AZIN2: variants seen among roughly 807,000 people sequenced by gnomAD.
AZIN2 encodes the protein ODC antizyme inhibitor-2.
A neutral mutation model predicts 47.8 loss-of-function variants in AZIN2; 28 were observed. The ratio of observed to expected loss-of-function variants is 0.59; its 90% CI spans 0.43 to 0.80. The LOEUF (loss-of-function observed/expected upper bound fraction) is 0.80, where lower values mean the gene tolerates loss of function less well. Among genes scored for constraint, AZIN2 ranks in the 30% least tolerant of loss-of-function variants. The probability of loss-of-function intolerance (pLI) is 0.00; values close to 1 mark genes in which losing one functional copy is unlikely to be tolerated. For synonymous variants in AZIN2, 221 were observed against 239.4 expected (o/e 0.92, Z 0.71); for missense variants, 535 against 582.5 (o/e 0.92, Z 0.84).
chr1:33,125,503 G>C (rs947958015), downstream of AZIN2, among the ~76,000 whole-genome samples: 2 of 152,058 alleles, frequency 1.3e-5, no homozygotes, highest in Non-Finnish European at 2.9e-5. Context: ...TGTTCCCTTA[G>C]CTACTCCAGC....
At chr1:33,098,545 G>A (rs895551679) in intron 10 of AZIN2, among the ~76,000 whole-genome samples, 8 of 152,152 alleles carry the variant, frequency 5.3e-5, no homozygotes, top group Admixed American at 3.9e-4. Flanking sequence ...GTGAATATAT[G>A]TTGAGGTTTC....
chr1:33,128,543 A>G, the AZIN2 span, among the ~76,000 whole-genome samples: 2 of 152,204 alleles, frequency 1.3e-5, no homozygotes, highest in Admixed American at 1.3e-4. Flanking sequence ...AGATTGGGAA[A>G]GTCTCTGCCT....
intron 5 of AZIN2, among the ~76,000 whole-genome samples, chr1:33,087,445 ATTT>A (rs1471943347): frequency 7.5e-6 from 1 of 133,800 alleles, no homozygotes; most frequent in Admixed American, 7.7e-5. Context: ...ATATATATAT[ATTT>A]TTTTTTGAGA....
intron 4 of AZIN2, chr1:33,083,583 G>T: frequency 3.0e-6 from 1 of 338,360 alleles, no homozygotes; most frequent in South Asian, 2.7e-5. Context: ...TTTAAAAGCA[G>T]AGTTGCCTTA....
chr1:33,103,153 T>C (rs1185983386), intron 10 of AZIN2, among the ~76,000 whole-genome samples: 1 of 152,132 alleles, frequency 6.6e-6, no homozygotes, highest in Non-Finnish European at 1.5e-5. Flanking sequence ...TTTTCCACGC[T>C]GCAGACAGAA....
intron 10 of AZIN2, 131 bp downstream of exon 10, chr1:33,098,310 G>A (rs1440267814): frequency 3.1e-6 from 2 of 655,088 alleles, no homozygotes; most frequent in Non-Finnish European, 5.1e-6. Flanking sequence ...GATGACGAAG[G>A]TTATCACCCA....
the AZIN2 span, chr1:33,165,884 T>G: frequency 4.8e-6 from 1 of 210,214 alleles, no homozygotes; most frequent in African/African-American, 2.3e-5. This position sits in a 1 kb window ranked among gnomAD's most constrained non-coding sequence, Gnocchi z 4.0. Context: ...CGCTTAGAAT[T>G]AAGGCAGGGG....
chr1:33,107,291 C>G (rs1459142863), intron 10 of AZIN2, among the ~76,000 whole-genome samples: 3 of 147,760 alleles, frequency 2.0e-5, no homozygotes, highest in African/African-American at 7.5e-5. Context: ...CTCACACACA[C>G]ACACAAAGGC....
the AZIN2 span, among the ~76,000 whole-genome samples, chr1:33,144,135 CTTTTTTT>C: frequency 5.6e-4 from 82 of 146,578 alleles, no homozygotes; most frequent in African/African-American, 2.0e-3. Context: ...AATGTTACTT[CTTTTTTT>C]TTTTTTTTTT....
At chr1:33,165,863 C>T in the AZIN2 span, 20 of 244,298 alleles carry the variant, frequency 8.2e-5, no homozygotes, top group East Asian at 1.5e-3. The surrounding 1 kb of genome is among the most constrained non-coding windows in gnomAD (Gnocchi z 4.0). Flanking sequence ...CCACACTTGG[C>T]CCTGGATCCC....
At chr1:33,142,125 C>T in the AZIN2 span, 1 of 152,406 alleles carries the variant, frequency 6.6e-6, no homozygotes, top group East Asian at 1.9e-4. Flanking sequence ...TCCCACCTCC[C>T]ACCTCCCTCC....
At chr1:33,130,286 TG>T in the AZIN2 span, among the ~76,000 whole-genome samples, 3 of 152,240 alleles carry the variant, frequency 2.0e-5, no homozygotes, top group African/African-American at 7.2e-5. Flanking sequence ...CCGTTGAGTA[TG>T]GATGGAATTT....
At chr1:33,117,593 C>T (rs895303434) in intron 10 of AZIN2, among the ~76,000 whole-genome samples, 5 of 152,200 alleles carry the variant, frequency 3.3e-5, no homozygotes, top group Admixed American at 2.6e-4. Flanking sequence ...AGTAACCTTA[C>T]GAGGTAGGTA....
At chr1:33,133,978 T>C in the AZIN2 span, among the ~76,000 whole-genome samples, 1 of 152,244 alleles carries the variant, frequency 6.6e-6, no homozygotes, top group Non-Finnish European at 1.5e-5. Flanking sequence ...CCTCTGCTGT[T>C]ACCACTTACC....
At chr1:33,155,590 C>T in the AZIN2 span, among the ~76,000 whole-genome samples, 1 of 152,138 alleles carries the variant, frequency 6.6e-6, no homozygotes, top group African/African-American at 2.4e-5. Context: ...TGGGGCCCGA[C>T]GTTGGGGTTT....
chr1:33,094,021 C>G (rs773379044), intron 7 of AZIN2, among the ~76,000 whole-genome samples: 23 of 152,188 alleles, frequency 1.5e-4, no homozygotes, highest in Non-Finnish European at 3.2e-4. Flanking sequence ...GTGTGAGCCA[C>G]TGCACCCAGC....
chr1:33,103,804 G>T (rs903613229), intron 10 of AZIN2, among the ~76,000 whole-genome samples: 11 of 151,880 alleles, frequency 7.2e-5, no homozygotes, highest in African/African-American at 2.7e-4. Context: ...ACCCTTGAGG[G>T]TCTCACATCT....
In AZIN2 at chr1:33,082,301, A is replaced by G. The variant is rs1641361125; in HGVS notation, c.52A>G (p.Ser18Gly). Residue 18 changes from serine to glycine, a missense_variant, in exon 4 of 12, where the codon AGT becomes GGT. This residue lies in a region of AZIN2 where 409 missense variants were observed against 429.0 expected (regional missense o/e 0.95). Coordinates refer to ENST00000294517, the MANE Select transcript of AZIN2 (RefSeq NM_052998.4). ...SDFVMVEEGF[S>G]TRDLLKELTL... Reference sequence around the variant, plus strand: ...CTTTGTGATGGTGGAGGAGGGCTTCAGTACCCGAGACCTGCTGAAGGAACT... The same window carrying G: ...CTTTGTGATGGTGGAGGAGGGCTTCGGTACCCGAGACCTGCTGAAGGAACT... 1 of 1,614,118 alleles carries G rather than the reference A, an allele frequency of 6.2e-7. No individual in the cohort carries two copies. Among genetic ancestry groups the G allele is most frequent in the Non-Finnish European group, 8.5e-7 (1 of 1,180,002 alleles).
chr1:33,098,219 G>T, intron 10 of AZIN2, 40 bp downstream of exon 10: 2 of 1,386,652 alleles, frequency 1.4e-6, no homozygotes, highest in Non-Finnish European at 2.0e-6. Context: ...AGTTGTGTGT[G>T]TGTATTTCAA....
Sources: allele counts gnomAD v4.1 joint callset (sites outside exome capture counted in the v4.1 genomes callset), GRCh38; gene constraint gnomAD v4.1.1; regional missense constraint gnomAD v4.1.1; non-coding constraint Gnocchi (gnomAD v3.1); transcripts MANE v1.5; gene names NCBI Gene and HGNC (gene_info 2026-07-23, HGNC 2026-07-21).